RAB27A: variants seen among roughly 807,000 people sequenced by gnomAD.
The protein encoded by RAB27A is RAB27A, member RAS oncogene family.
Under a neutral mutation model 20.8 loss-of-function variants are expected in RAB27A, and 17 were observed. That is an observed-to-expected ratio of 0.82 (90% CI 0.56 to 1.23). The LOEUF is 1.23. RAB27A is among the 50% of genes most tolerant of loss of function. The probability of loss-of-function intolerance (pLI) is 0.00; values close to 1 mark genes in which losing one functional copy is unlikely to be tolerated. For synonymous variants in RAB27A, 85 were observed against 92.8 expected, an observed-to-expected ratio of 0.92 and a Z score of 0.48; for missense variants, 277 against 266.7, an observed-to-expected ratio of 1.04 and a Z score of -0.27.
intron 6 of RAB27A, among the ~76,000 whole-genome samples, chr15:55,209,878 G>A (rs1288060081): frequency 2.1e-4 from 1 of 4,708 alleles, no homozygotes; most frequent in African/African-American, 2.4e-4. Context: ...ATACATATAT[G>A]TGTGTGTATA....
Position 55,203,082 on chromosome 15 carries a change from T to C in RAB27A, c.*2425A>G, listed in dbSNP as rs999956179. 4.6e-5 allele frequency: 7 copies of C among 152,202 alleles called. No homozygotes were observed. The highest frequency in any genetic ancestry group is 1.4e-4 in the African/African-American group (6 of 41,448). 9.4% of individuals were successfully genotyped at this position (152,202 alleles called of 1,614,324 possible). A position where few individuals can be genotyped will look rare whatever the true frequency, so the allele number is the denominator to read the frequency against. On this transcript the variant is annotated 3_prime_UTR_variant, in exon 7 of 7. Transcript: ENST00000336787. ...AAAATACATTGATGCACAAAAAATA[T>C]AGTACTTCAATACCAAACTTAAATG... is the stretch of plus-strand genomic sequence containing the variant.
At chr15:55,312,640 A>G (rs1177870858) in intron 2 of RAB27A, among the ~76,000 whole-genome samples, 5 of 152,088 alleles carry the variant, frequency 3.3e-5, no homozygotes, top group African/African-American at 4.8e-5. Context: ...AACGAATGCA[A>G]TATCTTCACC....
At chr15:55,318,515 C>A (rs1183581319) in intron 1 of RAB27A, among the ~76,000 whole-genome samples, 1 of 150,544 alleles carries the variant, frequency 6.6e-6, no homozygotes, top group South Asian at 2.1e-4. Flanking sequence ...CCAGCCAGGC[C>A]AATATGGTGA....
intron 2 of RAB27A, among the ~76,000 whole-genome samples, chr15:55,300,630 G>A (rs1250231153): frequency 2.0e-5 from 3 of 152,104 alleles, no homozygotes; most frequent in Non-Finnish European, 2.9e-5. Context: ...AGTAAGCCGA[G>A]AGTGTGCCAT....
At chr15:55,274,797 TATATATATATA>T (rs1897810122) in intron 1 of RAB27A, among the ~76,000 whole-genome samples, 1 of 83,740 alleles carries the variant, frequency 1.2e-5, no homozygotes, top group Non-Finnish European at 2.4e-5. Flanking sequence ...AAATAAATTA[TATATATATATA>T]TATATATATA....
Position 55,203,338 on chromosome 15 carries a change from G to A in RAB27A, c.*2169C>T, listed in dbSNP as rs1388505231. The A allele has an allele frequency of 2.6e-5, 4 of 151,150 alleles. No individual in the cohort carries two copies. The highest frequency in any genetic ancestry group is 9.7e-5 in the African/African-American group (4 of 41,116). 9.4% of individuals were successfully genotyped at this position (151,150 alleles called of 1,614,324 possible). ...ATAGAATATGCCCTGATATGTAGCT[G>A]TAAAATTATGTTGTACTGCACTGAA... On this transcript the variant is annotated 3_prime_UTR_variant, in exon 7 of 7. Coordinates refer to ENST00000336787, the MANE Select transcript of RAB27A (RefSeq NM_183235.3).
rs367774962 is a variant in RAB27A, at chr15:55,265,673, G to A, written c.-23+4492C>T. Among the ~76,000 whole-genome samples, 22 of 152,196 alleles carry A rather than the reference G, an allele frequency of 1.4e-4. 1 individual carries two copies. The highest frequency in any genetic ancestry group is 8.3e-4 in the South Asian group (4 of 4,814). On this transcript the variant is annotated intron_variant, in intron 2 of 6. Transcript: ENST00000336787. ...AAAAGACCAGGTTTCGAACCGTCAG[G>A]AGGGAACACATCTTGGGCTGACTGA...
intron 6 of RAB27A, among the ~76,000 whole-genome samples, chr15:55,209,355 C>G (rs1332180616): frequency 6.6e-6 from 1 of 152,158 alleles, no homozygotes; most frequent in Non-Finnish European, 1.5e-5. Flanking sequence ...ATGAGATCCA[C>G]CTTTGTAGCT....
In RAB27A at chr15:55,247,588, C is replaced by G. The variant is rs112169457; in HGVS notation, c.-22-12632G>C. On this transcript the variant is annotated intron_variant, in intron 2 of 6. Coordinates refer to ENST00000336787, the MANE Select transcript of RAB27A (RefSeq NM_183235.3). ...TCCTCAAGTTTTCTGTTTGCTGCAA[C>G]ACAGGAAAGATGTTAATCTGTTAGG... Among the ~76,000 whole-genome samples the G allele has an allele frequency of 3.8e-3, 575 of 152,248 alleles. 6 individuals carry two copies. Among genetic ancestry groups the G allele is most frequent in the African/African-American group, 0.013 (546 of 41,558 alleles).
At position 55,303,949 on chromosome 15, in the gene RAB27A, T is replaced by G. The variant is rs377303958; in HGVS notation, c.-112+10090A>C. 5.9e-3 allele frequency among the ~76,000 whole-genome samples: 872 copies of G among 147,626 alleles called. 6 individuals are homozygous for G. Among genetic ancestry groups the G allele is most frequent in the African/African-American group, 0.022 (838 of 38,952 alleles). Reference sequence around the variant, plus strand: ...GAGCCCCTCTGCCCGGCCACCACCCTGTCTGGGAGGTGTGCCCAACAGCTC... The same window carrying G: ...GAGCCCCTCTGCCCGGCCACCACCCGGTCTGGGAGGTGTGCCCAACAGCTC... On this transcript the variant is annotated intron_variant, in intron 2 of 5. Coordinates refer to the RAB27A transcript ENST00000563262.
intron 6 of RAB27A, among the ~76,000 whole-genome samples, chr15:55,207,616 T>C (rs1285980581): frequency 6.6e-6 from 1 of 152,236 alleles, no homozygotes; most frequent in Non-Finnish European, 1.5e-5. Flanking sequence ...ACTAGCCACA[T>C]GTAGCTATTG....
chr15:55,227,298 G>A (rs934552006), intron 5 of RAB27A, among the ~76,000 whole-genome samples: 32 of 149,934 alleles, frequency 2.1e-4, no homozygotes, highest in South Asian at 1.1e-3. Context: ...GATTCTATGC[G>A]CACTCTCTAG....
At chr15:55,259,781 T>A (rs1235569196) in intron 2 of RAB27A, 1 of 152,244 alleles carries the variant, frequency 6.6e-6, no homozygotes, top group Non-Finnish European at 1.5e-5. Context: ...CCCAGTGATA[T>A]GCAATAAATG....
At chr15:55,296,212 A>G (rs2054948614) in intron 2 of RAB27A, among the ~76,000 whole-genome samples, 1 of 150,420 alleles carries the variant, frequency 6.6e-6, no homozygotes. Flanking sequence ...TCTTGATTCA[A>G]AACTTGGTGT....
At chr15:55,285,444 CAG>C (rs757575316) in intron 1 of RAB27A, among the ~76,000 whole-genome samples, 1 of 152,028 alleles carries the variant, frequency 6.6e-6, no homozygotes, top group Non-Finnish European at 1.5e-5. Context: ...CCTGCAAAAC[CAG>C]AGAGTCCAAA....
At chr15:55,286,181 G>A (rs1898147722) in intron 1 of RAB27A, among the ~76,000 whole-genome samples, 1 of 152,230 alleles carries the variant, frequency 6.6e-6, no homozygotes. Context: ...GGCCTGGTTA[G>A]TACTTGGATG....
intron 2 of RAB27A, among the ~76,000 whole-genome samples, chr15:55,304,277 G>C (rs1054420803): frequency 2.0e-5 from 3 of 150,832 alleles, no homozygotes; most frequent in Admixed American, 1.3e-4. Context: ...TGCTCGTTAA[G>C]AGTCATCACC....
intron 6 of RAB27A, among the ~76,000 whole-genome samples, chr15:55,214,295 G>C (rs1222678511): frequency 2.0e-5 from 3 of 152,188 alleles, no homozygotes; most frequent in Non-Finnish European, 4.4e-5. Context: ...AATTAGCCAG[G>C]CATGGTGGTG....
chr15:55,305,264 C>T (rs1189547920), intron 2 of RAB27A, among the ~76,000 whole-genome samples: 2 of 152,200 alleles, frequency 1.3e-5, no homozygotes, highest in Non-Finnish European at 2.9e-5. Context: ...GACAACCATT[C>T]TAACTGCTTC....
Sources: allele counts gnomAD v4.1 joint callset (sites outside exome capture counted in the v4.1 genomes callset), GRCh38; gene constraint gnomAD v4.1.1; transcripts MANE v1.5; gene names NCBI Gene and HGNC (gene_info 2026-07-23, HGNC 2026-07-21).